Variants in ZBTB5 observed in about 807,000 individuals in gnomAD.
ZBTB5 encodes zinc finger and BTB domain-containing protein 5.
In ZBTB5, 15 loss-of-function variants were observed where a neutral mutation model predicts 37.9. The observed-to-expected ratio is 0.40, with a 90% CI of 0.26 to 0.61. ZBTB5 has a LOEUF of 0.61. Ranked by LOEUF, ZBTB5 falls within the 20% of genes least tolerant of loss-of-function variation. ZBTB5 has a pLI of 0.47. For synonymous variants in ZBTB5, 315 were observed against 312.4 expected (o/e 1.01, Z -0.09); for missense variants, 708 against 856.8 (o/e 0.83, Z 2.17).
At chr9:37,452,005 T>C (rs1348149388) in intron 1 of ZBTB5, among the ~76,000 whole-genome samples, 1 of 152,220 alleles carries the variant, frequency 6.6e-6, no homozygotes, top group Non-Finnish European at 1.5e-5. Context: ...TACCTAATGA[T>C]GGCTGGTAAT....
rs1324511369 is a variant in ZBTB5, at chr9:37,438,520, C to CAA, written c.*1996_*1997dup. On this transcript the variant is annotated 3_prime_UTR_variant, in exon 2 of 2. Transcript: ENST00000307750. ...ATGTATCAGAGATAAGCCCCAAAAGCAAAGTCCACTTATGCTTCAGCAGAG... is the reference window on the plus strand; with the variant it reads ...ATGTATCAGAGATAAGCCCCAAAAGCAAAAAGTCCACTTATGCTTCAGCAGAG... The CAA allele has an allele frequency of 2.0e-5, 3 of 152,302 alleles. No individual in the cohort carries two copies. The highest frequency in any genetic ancestry group is 4.4e-5 in the Non-Finnish European group (3 of 68,072). The allele number at this position is 152,302 out of a possible 1,614,324, so 9.4% of individuals were successfully genotyped here.
intron 1 of ZBTB5, among the ~76,000 whole-genome samples, chr9:37,462,368 C>A (rs1396725552): frequency 2.6e-5 from 4 of 152,010 alleles, no homozygotes; most frequent in African/African-American, 9.7e-5. Flanking sequence ...ACCTCCAAGC[C>A]GAAGACAGTT....
chr9:37,442,708 G>C (rs2118934367), intron 1 of ZBTB5, among the ~76,000 whole-genome samples, 153 bp from the exon 2 acceptor site: 1 of 152,304 alleles, frequency 6.6e-6, no homozygotes, highest in South Asian at 2.1e-4. Flanking sequence ...CTAAGAGCTT[G>C]TCATATAAGA....
rs778957187 is a variant in ZBTB5, at chr9:37,442,170, G to T, written c.382C>A (p.Pro128Thr). 4 of 1,614,108 alleles carry T rather than the reference G, an allele frequency of 2.5e-6. No homozygotes were observed. In the African/African-American group the frequency reaches 5.3e-5, roughly 22 times the overall value. ...YLTTRTLPMS[P>T]PSERVQEQSA... is the part of the protein sequence containing the mutation. ...TGCTCCTGAACGCGCTCACTGGGGG[G>T]AGACATGGGCAGCGTCCTTGTCGTT... The change falls in exon 2 of 2, where the codon CCC becomes ACC. Residue 128 changes from proline (P) to threonine (T), a missense_variant. Pro to Thr is a conservative substitution (Grantham distance 38, BLOSUM62 -1). Transcript: ENST00000307750.
At chr9:37,464,073 T>G (rs1369609382) in intron 1 of ZBTB5, among the ~76,000 whole-genome samples, 1 of 152,192 alleles carries the variant, frequency 6.6e-6, no homozygotes, top group Non-Finnish European at 1.5e-5. Flanking sequence ...TCTGGACTTT[T>G]CCCTCTGAAC....
intron 1 of ZBTB5, among the ~76,000 whole-genome samples, chr9:37,452,633 C>T (rs2118949182): frequency 6.6e-6 from 1 of 152,304 alleles, no homozygotes; most frequent in Admixed American, 6.5e-5. Flanking sequence ...AAGGAAGCAG[C>T]AGCCAAGTAA....
Position 37,449,201 on chromosome 9 carries a change from G to A in ZBTB5, c.-4-6646C>T, listed in dbSNP as rs539168536. 3.3e-5 allele frequency among the ~76,000 whole-genome samples: 5 copies of A among 152,224 alleles called. No individual in the cohort carries two copies. The South Asian group carries it at 8.3e-4, about 25-fold the overall frequency. On this transcript the variant is annotated intron_variant, in intron 1 of 1. Transcript: ENST00000307750. ...GGAGTTCAAGACCAGCCTGGGCAAC[G>A]TAGTGAGATTCTATATAACAAAAAG...
chr9:37,446,640 T>A (rs1823997235), intron 1 of ZBTB5, among the ~76,000 whole-genome samples: 1 of 152,188 alleles, frequency 6.6e-6, no homozygotes, highest in African/African-American at 2.4e-5. Flanking sequence ...CTTCTTGCTT[T>A]ACCAAGCTTT....
chr9:37,444,896 G>A (rs1226937510), intron 1 of ZBTB5, among the ~76,000 whole-genome samples: 1 of 152,176 alleles, frequency 6.6e-6, no homozygotes, highest in Non-Finnish European at 1.5e-5. Context: ...CTAGGCAGCA[G>A]GCCTGGAGAG....
chr9:37,456,084 G>C (rs1824182987), intron 1 of ZBTB5, among the ~76,000 whole-genome samples: 1 of 151,970 alleles, frequency 6.6e-6, no homozygotes, highest in African/African-American at 2.4e-5. Flanking sequence ...CTGGGTAGCT[G>C]GGACTACAGG....
intron 1 of ZBTB5, among the ~76,000 whole-genome samples, chr9:37,463,540 G>C (rs891562386): frequency 6.6e-6 from 1 of 152,136 alleles, no homozygotes; most frequent in Non-Finnish European, 1.5e-5. Context: ...CAATTTCACT[G>C]AACACAAGAT....
chr9:37,444,374 T>G (rs889211662), intron 1 of ZBTB5, among the ~76,000 whole-genome samples: 3 of 152,146 alleles, frequency 2.0e-5, no homozygotes, highest in African/African-American at 7.2e-5. Context: ...AATTTTTGTA[T>G]TTTTAGTAGA....
At chr9:37,445,271 C>A (rs1392458405) in intron 1 of ZBTB5, among the ~76,000 whole-genome samples, 2 of 152,076 alleles carry the variant, frequency 1.3e-5, no homozygotes, top group Non-Finnish European at 1.5e-5. Context: ...AAAGTTAAAT[C>A]TTCACTTTCC....
At chr9:37,464,601 CAGG>C (rs754106282) in intron 1 of ZBTB5, among the ~76,000 whole-genome samples, 10 of 152,230 alleles carry the variant, frequency 6.6e-5, no homozygotes, top group Non-Finnish European at 1.2e-4. Context: ...GTCCTCCAAA[CAGG>C]AGAAGATGGG....
In ZBTB5 at chr9:37,462,562, G is replaced by GTT. The variant is rs372165548; in HGVS notation, c.-5+2651_-5+2652dup. 2.6e-3 allele frequency among the ~76,000 whole-genome samples: 338 copies of GTT among 132,426 alleles called. 4 individuals carry two copies. The South Asian group carries it at 0.041, about 16-fold the overall frequency. The allele number at this position is 132,426 out of a possible 152,430, so 86.9% of individuals were successfully genotyped here. ...TTTGAGTGGTGTCTTTGCTTTAACC[G>GTT]TTTTTTTTTTTTTTTTGAGACAGGG... On this transcript the variant is annotated intron_variant, in intron 1 of 1. Coordinates refer to ENST00000307750, the MANE Select transcript of ZBTB5 (RefSeq NM_014872.3).
chr9:37,442,096 G>A lies in ZBTB5; in HGVS notation c.456C>T (p.Ser152=), dbSNP rs769595973. 4 of 1,614,062 alleles carry A rather than the reference G, an allele frequency of 2.5e-6. No individual in the cohort carries two copies. The highest frequency in any genetic ancestry group is 3.4e-6 in the Non-Finnish European group (4 of 1,180,050). ...TGGAATTGAGGGCTGAGCTCACGAT[G>A]CTTAGTCCCAGCTGCTGTAGCATAA... ...RSFMLQQLGL[S]IVSSALNSSQ... The change falls in exon 2 of 2, where the codon AGC becomes AGT. Residue 152 remains serine, a synonymous_variant. Coordinates refer to ENST00000307750, the MANE Select transcript of ZBTB5 (RefSeq NM_014872.3).
Position 37,441,833 on chromosome 9 carries a change from A to C in ZBTB5, c.719T>G (p.Ile240Ser). Residue 240 changes from isoleucine (I) to serine (S), a missense_variant, in exon 2 of 2, where the codon ATT (isoleucine) becomes AGT (serine). By Grantham distance (142) the Ile-to-Ser change is moderately radical (BLOSUM62 -2). This residue lies in a region of ZBTB5 where 639 missense variants were observed against 690.5 expected (regional missense o/e 0.93). Coordinates refer to ENST00000307750, the MANE Select transcript of ZBTB5 (RefSeq NM_014872.3). ...EEFFSPDSLK[I>S]VDNPKADGMT... ...TCCATCAGCTTTAGGATTATCCACAATTTTCAGAGAATCTGGTGAAAAGAA... is the reference window on the plus strand; with the variant it reads ...TCCATCAGCTTTAGGATTATCCACACTTTTCAGAGAATCTGGTGAAAAGAA... 1 of 1,613,986 alleles carries C rather than the reference A, an allele frequency of 6.2e-7. No homozygotes were observed. The highest frequency in any genetic ancestry group is 8.5e-7 in the Non-Finnish European group (1 of 1,179,988).
chr9:37,453,596 T>C (rs1824139366), intron 1 of ZBTB5, among the ~76,000 whole-genome samples: 1 of 152,170 alleles, frequency 6.6e-6, no homozygotes, highest in African/African-American at 2.4e-5. Flanking sequence ...TCCCTCTATG[T>C]CATTGGAGAA....
intron 1 of ZBTB5, among the ~76,000 whole-genome samples, chr9:37,450,167 A>G (rs1824076318): frequency 6.6e-6 from 1 of 152,128 alleles, no homozygotes; most frequent in African/African-American, 2.4e-5. Flanking sequence ...CTGTCTCACT[A>G]GAGAGAGAGC....
Sources: gnomAD v4.1 joint callset for allele counts (sites outside exome capture counted in the v4.1 genomes callset) on GRCh38, gnomAD v4.1.1 for gene constraint, gnomAD v4.1.1 regional missense constraint, MANE v1.5 for transcripts, NCBI Gene and HGNC (gene_info 2026-07-23, HGNC 2026-07-21) for gene names.